ELAPOR1: variants seen among roughly 807,000 people sequenced by gnomAD.
ELAPOR1 encodes the protein endosome-lysosome associated apoptosis and autophagy regulator 1.
In ELAPOR1, 77 loss-of-function variants were observed where a neutral mutation model predicts 119.7. The observed-to-expected ratio is 0.64, with a 90% CI of 0.54 to 0.78. The LOEUF (loss-of-function observed/expected upper bound fraction) is 0.78, where lower values mean the gene tolerates loss of function less well. Ranked by LOEUF, ELAPOR1 falls within the 30% of genes least tolerant of loss-of-function variation. ELAPOR1 has a pLI of 0.00. For synonymous variants in ELAPOR1, 481 were observed against 487.2 expected (o/e 0.99, Z 0.17); for missense variants, 1,115 against 1,270.4 (o/e 0.88, Z 1.86).
At chr1:109,123,922 C>A (rs1272772671) in intron 1 of ELAPOR1, among the ~76,000 whole-genome samples, 1 of 152,154 alleles carries the variant, frequency 6.6e-6, no homozygotes, top group African/African-American at 2.4e-5. Flanking sequence ...CCTGCCTCAG[C>A]CTCCCAAGTA....
In ELAPOR1 at chr1:109,127,219, T is replaced by C. The variant is rs945795293; in HGVS notation, c.153+12883T>C. The stretch of plus-strand genomic sequence containing the variant: ...TCTAATTCTTTTTTTTCTTTTCTTT[T>C]TTTTTTTTTTTTTTAAGATGGAGTC... On this transcript the variant is annotated intron_variant, in intron 1 of 21. Coordinates refer to ENST00000369939, the MANE Select transcript of ELAPOR1 (RefSeq NM_020775.5). Among the ~76,000 whole-genome samples, 6 of 149,970 alleles carry C rather than the reference T, an allele frequency of 4.0e-5. 1 individual carries two copies. Among genetic ancestry groups the C allele is most frequent in the Middle Eastern group, 3.4e-3 (1 of 294 alleles).
chr1:109,190,475 T>G lies in ELAPOR1; in HGVS notation c.1439+793T>G, dbSNP rs536051959. Among the ~76,000 whole-genome samples, 12 of 152,336 alleles carry G rather than the reference T, an allele frequency of 7.9e-5. No homozygotes were observed. The South Asian group carries it at 1.4e-3, about 18-fold the overall frequency. On this transcript the variant is annotated intron_variant, in intron 11 of 21. Coordinates refer to ENST00000369939, the MANE Select transcript of ELAPOR1 (RefSeq NM_020775.5). ...TGAACTCTTCTGCCCATATGTGCTC[T>G]AAAGATAAGAAGCAGGCACTGAATA...
intron 1 of ELAPOR1, among the ~76,000 whole-genome samples, chr1:109,119,065 T>C (rs1648221009): frequency 6.6e-6 from 1 of 151,756 alleles, no homozygotes; most frequent in Non-Finnish European, 1.5e-5. Context: ...GCCCAGCTAA[T>C]TTTGTATTTT....
intron 1 of ELAPOR1, among the ~76,000 whole-genome samples, chr1:109,157,720 A>G (rs1262516061): frequency 6.6e-6 from 1 of 152,188 alleles, no homozygotes; most frequent in Non-Finnish European, 1.5e-5. Flanking sequence ...CTTAGGGCAC[A>G]TGAAAGAGGC....
rs144970064 is a variant in ELAPOR1, at chr1:109,173,773, A to G, written c.888A>G (p.Pro296=). The change falls in exon 7 of 22, where the codon CCA becomes CCG. Residue 296 remains proline, a synonymous_variant. Transcript: ENST00000369939. ...KQGSSFCKLC[P]ANSYSNKGET... ...GCTCCTCTTTCTGCAAACTTTGCCC[A>G]GCCAACTCTTATTCAAATAAAGGAG... is the stretch of plus-strand genomic sequence containing the variant. The G allele has an allele frequency of 2.8e-5, 46 of 1,614,044 alleles. No homozygotes were observed. The African/African-American group carries it at 5.9e-4, about 21-fold the overall frequency.
chr1:109,182,752 A>C (rs1652772716), intron 7 of ELAPOR1, among the ~76,000 whole-genome samples: 1 of 151,850 alleles, frequency 6.6e-6, no homozygotes, highest in Non-Finnish European at 1.5e-5. Context: ...CTGTAGTCCC[A>C]GCTACTTGGA....
chr1:109,183,989 C>T (rs1162025043), intron 7 of ELAPOR1, among the ~76,000 whole-genome samples: 1 of 151,856 alleles, frequency 6.6e-6, no homozygotes, highest in Non-Finnish European at 1.5e-5. Context: ...CCCAGGAGTT[C>T]CAGGCTGCAG....
intron 8 of ELAPOR1, chr1:109,187,091 T>C: frequency 1.0e-6 from 1 of 985,500 alleles, no homozygotes; most frequent in Non-Finnish European, 1.2e-6. Flanking sequence ...TTCTGAACAG[T>C]ATTTTAAAAT....
intron 1 of ELAPOR1, among the ~76,000 whole-genome samples, chr1:109,137,047 G>A (rs539536742): frequency 6.6e-6 from 1 of 152,312 alleles, no homozygotes; most frequent in African/African-American, 2.4e-5. Flanking sequence ...TGGTGAGTTT[G>A]AGGGGTGAAG....
intron 1 of ELAPOR1, among the ~76,000 whole-genome samples, chr1:109,116,423 A>G (rs2100947057): frequency 6.6e-6 from 1 of 152,226 alleles, no homozygotes; most frequent in South Asian, 2.1e-4. Flanking sequence ...CTTCTTTCCC[A>G]TTAGATCCAC....
rs1654316624 is a variant in ELAPOR1 at position 109,203,668 on chromosome 1, A to T, written c.*656A>T. The stretch of plus-strand genomic sequence containing the variant: ...GAGGCGGGCAGATCATGAGGTCGGG[A>T]GATTGAGACCATCCTGGCTAACACG... On this transcript the variant is annotated 3_prime_UTR_variant, in exon 22 of 22. Coordinates refer to ENST00000369939, the MANE Select transcript of ELAPOR1 (RefSeq NM_020775.5). The T allele has an allele frequency of 6.6e-6, 1 of 151,876 alleles. No individual in the cohort carries two copies. The highest frequency in any genetic ancestry group is 1.5e-5 in the Non-Finnish European group (1 of 68,042). The allele number at this position is 151,876 out of a possible 1,614,324, so 9.4% of individuals were successfully genotyped here.
chr1:109,160,433 A>T (rs1056906106), intron 1 of ELAPOR1, among the ~76,000 whole-genome samples: 2 of 152,218 alleles, frequency 1.3e-5, no homozygotes, highest in Admixed American at 6.5e-5. Flanking sequence ...CCCTTAAAAC[A>T]TAACACAATT....
intron 7 of ELAPOR1, among the ~76,000 whole-genome samples, chr1:109,176,479 GTA>G (rs1652291718): frequency 6.6e-6 from 1 of 152,120 alleles, no homozygotes; most frequent in South Asian, 2.1e-4. Flanking sequence ...AGGTGTGAAA[GTA>G]TGTGTTTGCT....
At position 109,174,776 on chromosome 1, in the gene ELAPOR1, C is replaced by T. The variant is rs1402850507; in HGVS notation, c.952+939C>T. ...TGTCGCCCAGGCTGGAGTGCAGTGG[C>T]GCGATCTCAGCTCACTGCAAACTCT... On this transcript the variant is annotated intron_variant, in intron 7 of 21. Transcript: ENST00000369939. 5.9e-5 allele frequency among the ~76,000 whole-genome samples: 9 copies of T among 151,792 alleles called. No homozygotes were observed. In the South Asian group the frequency reaches 8.3e-4, roughly 14 times the overall value.
intron 11 of ELAPOR1, among the ~76,000 whole-genome samples, chr1:109,190,404 G>A (rs896429654): frequency 1.3e-5 from 2 of 152,202 alleles, no homozygotes; most frequent in African/African-American, 4.8e-5. Context: ...TCAGGCAAAT[G>A]GCTAAAGCCA....
intron 1 of ELAPOR1, among the ~76,000 whole-genome samples, chr1:109,143,558 G>A (rs1377232026): frequency 6.6e-6 from 1 of 152,154 alleles, no homozygotes; most frequent in Non-Finnish European, 1.5e-5. Flanking sequence ...GCACAATCTT[G>A]TGAATATATT....
chr1:109,166,570 T>G (rs1651614245), intron 3 of ELAPOR1, among the ~76,000 whole-genome samples: 1 of 152,214 alleles, frequency 6.6e-6, no homozygotes, highest in Non-Finnish European at 1.5e-5. Context: ...CCTTGTGAAA[T>G]AGGCATTACT....
At chr1:109,191,532 C>G in intron 12 of ELAPOR1, 61 bp downstream of exon 12, 1 of 1,489,620 alleles carries the variant, frequency 6.7e-7, no homozygotes, top group Non-Finnish European at 9.4e-7. Context: ...CCCATCTGCC[C>G]CATTGGTGTG....
chr1:109,154,053 G>A (rs1347937982), intron 1 of ELAPOR1, among the ~76,000 whole-genome samples: 8 of 151,716 alleles, frequency 5.3e-5, no homozygotes, highest in African/African-American at 2.4e-5. Context: ...AGGCCGAGGC[G>A]GGCGGATCAC....
Sources: allele counts gnomAD v4.1 joint callset (sites outside exome capture counted in the v4.1 genomes callset), GRCh38; gene constraint gnomAD v4.1.1; transcripts MANE v1.5; gene names NCBI Gene and HGNC (gene_info 2026-07-23, HGNC 2026-07-21).